The following MLXIPL variants were observed in gnomAD, a reference collection of about 807,000 sequenced individuals.
The protein encoded by MLXIPL is carbohydrate-responsive element-binding protein.
In MLXIPL, 49 loss-of-function variants were observed where a neutral mutation model predicts 81.5. The ratio of observed to expected loss-of-function variants is 0.60; its 90% CI spans 0.48 to 0.76. The LOEUF (loss-of-function observed/expected upper bound fraction) is 0.76. Ranked by LOEUF, MLXIPL falls within the 30% of genes least tolerant of loss-of-function variation. The pLI, the probability that MLXIPL is intolerant of heterozygous loss-of-function variation, is 0.00. For synonymous variants in MLXIPL, 466 were observed against 485.5 expected, an observed-to-expected ratio of 0.96 and a Z score of 0.53; for missense variants, 1,053 against 1,167.0, an observed-to-expected ratio of 0.90 and a Z score of 1.42.
intron 7 of MLXIPL, 60 bp from the exon 8 acceptor site, chr7:73,599,755 C>A (rs963181359): frequency 2.0e-6 from 3 of 1,530,676 alleles, no homozygotes; most frequent in Admixed American, 3.7e-5. Flanking sequence ...TGGGAAACAG[C>A]TGAGAGGAGA....
chr7:73,614,094 G>T (rs139058674), intron 2 of MLXIPL, among the ~76,000 whole-genome samples: 73 of 152,238 alleles, frequency 4.8e-4, no homozygotes, highest in African/African-American at 1.7e-3. Flanking sequence ...AGTTCTTCTT[G>T]CCCCAGGAGA....
chr7:73,636,830 G>A, the MLXIPL span, among the ~76,000 whole-genome samples: 1 of 152,188 alleles, frequency 6.6e-6, no homozygotes, highest in Non-Finnish European at 1.5e-5. Flanking sequence ...GGGAGACCAA[G>A]GCGGGTGGGT....
the MLXIPL span, among the ~76,000 whole-genome samples, chr7:73,640,755 C>T: frequency 3.1e-5 from 4 of 129,086 alleles, no homozygotes; most frequent in Middle Eastern, 5.8e-3. Flanking sequence ...CCAGCCTGGG[C>T]GACAGAGCGA....
chr7:73,647,799 G>GGGCGC, the MLXIPL span, among the ~76,000 whole-genome samples: 1 of 151,420 alleles, frequency 6.6e-6, no homozygotes, highest in African/African-American at 2.4e-5. Context: ...ACCTGCAGAG[G>GGGCGC]GGCGCGGCGC....
At chr7:73,629,441 A>C (rs1796801204), upstream of MLXIPL, among the ~76,000 whole-genome samples, 1 of 152,152 alleles carries the variant, frequency 6.6e-6, no homozygotes. Flanking sequence ...ATTCCTTGAG[A>C]GCAAGAATCA....
chr7:73,620,335 C>T (rs1486612458), intron 1 of MLXIPL, among the ~76,000 whole-genome samples: 3 of 151,556 alleles, frequency 2.0e-5, no homozygotes, highest in African/African-American at 7.3e-5. Flanking sequence ...ACCCAGGAGG[C>T]GGATGTTGCA....
chr7:73,606,748 C>CT (rs1440324797), intron 5 of MLXIPL: 6 of 561,954 alleles, frequency 1.1e-5, no homozygotes, highest in Non-Finnish European at 1.9e-5. Flanking sequence ...TCTCCCATGC[C>CT]TCCCACCACT....
At chr7:73,620,546 C>T (rs1796279275) in intron 1 of MLXIPL, among the ~76,000 whole-genome samples, 1 of 147,924 alleles carries the variant, frequency 6.8e-6, no homozygotes, top group African/African-American at 2.5e-5. Context: ...CAAGACCAGC[C>T]TGGCCAACAT....
At chr7:73,602,110 G>GCCTT (rs1280725127) in intron 7 of MLXIPL, among the ~76,000 whole-genome samples, 91 of 71,534 alleles carry the variant, frequency 1.3e-3, no homozygotes, top group African/African-American at 4.2e-3. Context: ...CTGCCTGCCT[G>GCCTT]CCTGCCTGCC....
At chr7:73,625,402 A>G (rs782389928), upstream of MLXIPL, among the ~76,000 whole-genome samples, 1 of 152,178 alleles carries the variant, frequency 6.6e-6, no homozygotes, top group Non-Finnish European at 1.5e-5. Context: ...GGTAAGCCCA[A>G]GGTAATGCCC....
In MLXIPL at chr7:73,597,592, T is replaced by A; in HGVS notation, c.1193A>T (p.Tyr398Phe). 1.2e-6 allele frequency: 1 copy of A among 862,328 alleles called. No individual in the cohort carries two copies. The highest frequency in any genetic ancestry group is 1.4e-6 in the Non-Finnish European group (1 of 737,384). The allele number at this position is 862,328 out of a possible 1,614,324, so 53.4% of individuals were successfully genotyped here. A position where few individuals can be genotyped will look rare whatever the true frequency, so the allele number is the denominator to read the frequency against. ...PPPVPPPLLH[Y>F]PPPAKVPGLE... ...GCCTGGCACCTTGGCAGGGGGAGGG[T>A]AATGCAGCAGAGGTGGGGGTACAGG... is the stretch of plus-strand genomic sequence containing the variant. Residue 398 changes from tyrosine (Y) to phenylalanine (F), a missense_variant, in exon 9 of 17, where the codon TAC becomes TTC. Tyr to Phe is a conservative substitution (Grantham distance 22, BLOSUM62 3). Around this residue, in one of 3 missense-constraint regions of MLXIPL, gnomAD observed 823 missense variants for 933.0 expected, o/e 0.88. Transcript: ENST00000313375.
rs201642447 is a variant in MLXIPL at position 73,624,306 on chromosome 7, G to A, written c.187C>T (p.Pro63Ser). 1.1e-3 allele frequency: 1,750 copies of A among 1,586,834 alleles called. 1 individual carries two copies. The highest frequency in any genetic ancestry group is 1.4e-3 in the Non-Finnish European group (1,621 of 1,168,612). The part of the protein sequence containing the change: ...MVSSPHSDSL[P>S]RRRDQEGSVG... ...GACCCCTCCTGGTCGCGCCGCCGGG[G>A]CAGCGAGTCGCTGTGCGGCGACGAC... Residue 63 changes from proline to serine, a missense_variant, in exon 1 of 17, where the codon CCC (proline) becomes TCC (serine). Pro to Ser is a moderately conservative substitution (Grantham distance 74). Transcript: ENST00000313375.
At chr7:73,640,415 A>G in the MLXIPL span, among the ~76,000 whole-genome samples, 6 of 147,644 alleles carry the variant, frequency 4.1e-5, no homozygotes, top group African/African-American at 1.0e-4. Context: ...AAAAAAAAAA[A>G]GAAAAAGAAA....
chr7:73,608,884 T>G (rs1795501268), intron 2 of MLXIPL, among the ~76,000 whole-genome samples: 1 of 152,148 alleles, frequency 6.6e-6, no homozygotes, highest in African/African-American at 2.4e-5. Flanking sequence ...CAGAGTGCAG[T>G]GGCGCAATCA....
At position 73,594,348 on chromosome 7, in the gene MLXIPL, G is replaced by A; in HGVS notation, c.2366C>T (p.Ala789Val). 1.2e-6 allele frequency: 2 copies of A among 1,609,902 alleles called. No individual in the cohort carries two copies. The highest frequency in any genetic ancestry group is 1.7e-6 in the Non-Finnish European group (2 of 1,179,970). Residue 789 changes from alanine (A) to valine (V), a missense_variant, in exon 16 of 17, where the codon GCA (alanine) becomes GTA (valine). This residue lies in a region of MLXIPL where 823 missense variants were observed against 933.0 expected (regional missense o/e 0.88). Coordinates refer to ENST00000313375, the MANE Select transcript of MLXIPL (RefSeq NM_032951.3). ...GGTCTGGCGGAGGGTGTGCACACTT[G>A]CCGTGGACACCATCCCGTTGAAGGA... ...FESFNGMVST[A>V]SVHTLRQTSL...
rs145039221 is a variant in MLXIPL at position 73,598,037 on chromosome 7, A to G, written c.1072-324T>C. 8.5e-5 allele frequency among the ~76,000 whole-genome samples: 13 copies of G among 152,126 alleles called. No individual in the cohort carries two copies. In the East Asian group the frequency reaches 2.1e-3, roughly 25 times the overall value. ...CACTAACTTGTCCACCAATCCATCCACCAACCAACTCACCCATCCATTCAT... is the reference window on the plus strand; with the variant it reads ...CACTAACTTGTCCACCAATCCATCCGCCAACCAACTCACCCATCCATTCAT... On this transcript the variant is annotated intron_variant, in intron 8 of 16. Transcript: ENST00000313375.
chr7:73,617,008 G>GT lies in MLXIPL; in HGVS notation c.294-832dup, dbSNP rs1322505713. ...CTGTGTTTTGTTTTGGTTTGGTTTG[G>GT]TTTTTTTTGGTTTGCTTTTGGTTTT... On this transcript the variant is annotated intron_variant, in intron 1 of 16. Coordinates refer to ENST00000313375, the MANE Select transcript of MLXIPL (RefSeq NM_032951.3). Among the ~76,000 whole-genome samples the GT allele has an allele frequency of 3.3e-5, 5 of 151,168 alleles. No homozygotes were observed. In the South Asian group the frequency reaches 8.5e-4, roughly 26 times the overall value.
In MLXIPL at chr7:73,597,589, GGGTAATGCAGCAGA is replaced by G. The variant is rs1226982591; in HGVS notation, c.1182_1195del (p.Leu395SerfsTer102). ...CAGGCCTGGCACCTTGGCAGGGGGA[GGGTAATGCAGCAGA>G]GGTGGGGGTACAGGAGGGGGTGGGA... On this transcript the variant is annotated frameshift_variant, in exon 9 of 17. Transcript: ENST00000313375. LOFTEE classifies it high-confidence loss of function. 1 of 1,337,240 alleles carries G rather than the reference GGGTAATGCAGCAGA, an allele frequency of 7.5e-7. No homozygotes were observed. The highest frequency in any genetic ancestry group is 9.6e-7 in the Non-Finnish European group (1 of 1,042,120). 82.8% of individuals were successfully genotyped at this position (1,337,240 alleles called of 1,614,324 possible). A position where few individuals can be genotyped will look rare whatever the true frequency, so the allele number is the denominator to read the frequency against.
chr7:73,641,689 C>T, the MLXIPL span, among the ~76,000 whole-genome samples: 8 of 151,958 alleles, frequency 5.3e-5, no homozygotes, highest in African/African-American at 9.6e-5. Flanking sequence ...AGTGCAGTGG[C>T]GCAATCTCAG....
Sources: gnomAD v4.1 joint callset for allele counts (sites outside exome capture counted in the v4.1 genomes callset) on GRCh38, gnomAD v4.1.1 for gene constraint, gnomAD v4.1.1 regional missense constraint, MANE v1.5 for transcripts, NCBI Gene and HGNC (gene_info 2026-07-23, HGNC 2026-07-21) for gene names.